ADAMTS17: variants seen among roughly 807,000 people sequenced by gnomAD.
The protein encoded by ADAMTS17 is ADAM metallopeptidase with thrombospondin type 1 motif 17, also known as A disintegrin and metalloproteinase with thrombospondin motifs 17.
In ADAMTS17, 113 loss-of-function variants were observed where a neutral mutation model predicts 141.5. The observed-to-expected ratio is 0.80, with a 90% CI of 0.69 to 0.93. The LOEUF (loss-of-function observed/expected upper bound fraction) is 0.93, where lower values mean the gene tolerates loss of function less well. ADAMTS17 is among the 40% of genes least tolerant of loss of function. The probability of loss-of-function intolerance (pLI) is 0.00; values close to 1 mark genes in which losing one functional copy is unlikely to be tolerated. For missense variants in ADAMTS17, 1,659 were observed against 1,517.9 expected (o/e 1.09, Z -1.54); for synonymous variants, 768 against 630.6 (o/e 1.22, Z -3.27).
intron 15 of ADAMTS17, among the ~76,000 whole-genome samples, chr15:100,069,087 G>C (rs113205201): frequency 0.063 from 9,520 of 152,292 alleles, 306 homozygotes; most frequent in Middle Eastern, 0.082. Context: ...TGAGAACTAC[G>C]TGACGAATGC....
intron 10 of ADAMTS17, among the ~76,000 whole-genome samples, chr15:100,133,887 C>T (rs766189972): frequency 9.6e-6 from 1 of 103,946 alleles, no homozygotes; most frequent in Non-Finnish European, 2.1e-5. Flanking sequence ...TCTAGCTCAG[C>T]TGAGCTGTGC....
chr15:100,246,184 C>A (rs1774202958), intron 7 of ADAMTS17, among the ~76,000 whole-genome samples: 1 of 152,162 alleles, frequency 6.6e-6, no homozygotes, highest in Non-Finnish European at 1.5e-5. Flanking sequence ...AGAAAGGGAA[C>A]TAGTTTCCTA....
Position 100,109,914 on chromosome 15 carries a change from A to G in ADAMTS17, c.1889-798T>C, listed in dbSNP as rs1437513017. ...GGTGGGGCAGGAGCAGCATCTCCACATGCACTGTGCACACACCTCCATTAA... is the reference window on the plus strand; with the variant it reads ...GGTGGGGCAGGAGCAGCATCTCCACGTGCACTGTGCACACACCTCCATTAA... On this transcript the variant is annotated intron_variant, in intron 13 of 21. Transcript: ENST00000268070. Among the ~76,000 whole-genome samples, 7 of 152,064 alleles carry G rather than the reference A, an allele frequency of 4.6e-5. No homozygotes were observed. The South Asian group carries it at 1.5e-3, about 32-fold the overall frequency.
At chr15:100,001,194 G>A (rs959574074) in intron 18 of ADAMTS17, among the ~76,000 whole-genome samples, 1 of 152,188 alleles carries the variant, frequency 6.6e-6, no homozygotes, top group Non-Finnish European at 1.5e-5. Flanking sequence ...TGAAGGCCAT[G>A]ATCCAGGCAT....
chr15:100,296,441 T>C (rs912466868), intron 3 of ADAMTS17, among the ~76,000 whole-genome samples: 1 of 151,778 alleles, frequency 6.6e-6, no homozygotes, highest in African/African-American at 2.4e-5. Context: ...AGGCAAAAAA[T>C]AAGTTTTGCT....
At chr15:100,319,805 C>A (rs2141899729) in intron 3 of ADAMTS17, among the ~76,000 whole-genome samples, 1 of 152,086 alleles carries the variant, frequency 6.6e-6, no homozygotes, top group South Asian at 2.1e-4. Context: ...TGGCTCACAC[C>A]TATAATCCCA....
chr15:100,088,670 C>T (rs2035261035), intron 15 of ADAMTS17, among the ~76,000 whole-genome samples: 2 of 152,004 alleles, frequency 1.3e-5, no homozygotes, highest in Admixed American at 6.6e-5. Context: ...GAACAGAGCC[C>T]TCAGAAATAA....
At chr15:100,046,099 T>C (rs2031661202) in intron 18 of ADAMTS17, among the ~76,000 whole-genome samples, 1 of 152,206 alleles carries the variant, frequency 6.6e-6, no homozygotes, top group African/African-American at 2.4e-5. Context: ...CAGGCTGATC[T>C]CGTACTCCTG....
intron 7 of ADAMTS17, among the ~76,000 whole-genome samples, chr15:100,216,867 T>C (rs146969193): frequency 5.9e-5 from 9 of 152,354 alleles, no homozygotes; most frequent in African/African-American, 2.2e-4. Context: ...TTACTAAGAT[T>C]AGATTCGAAA....
At chr15:100,083,560 G>A (rs1350327491) in intron 15 of ADAMTS17, among the ~76,000 whole-genome samples, 2 of 152,086 alleles carry the variant, frequency 1.3e-5, no homozygotes, top group African/African-American at 4.8e-5. Flanking sequence ...CAGTCAGAAA[G>A]TTTAGCAGTG....
At chr15:100,316,498 A>T (rs971945788) in intron 3 of ADAMTS17, among the ~76,000 whole-genome samples, 1 of 151,748 alleles carries the variant, frequency 6.6e-6, no homozygotes. Flanking sequence ...CTTGACACAC[A>T]CTCACTCCCC....
intron 15 of ADAMTS17, among the ~76,000 whole-genome samples, chr15:100,065,220 C>T (rs1006340824): frequency 6.6e-6 from 1 of 152,126 alleles, no homozygotes; most frequent in Non-Finnish European, 1.5e-5. Flanking sequence ...TTCAACACCT[C>T]TTAATGCATA....
At chr15:100,174,651 C>A (rs1337051411) in intron 8 of ADAMTS17, among the ~76,000 whole-genome samples, 1 of 152,180 alleles carries the variant, frequency 6.6e-6, no homozygotes, top group Non-Finnish European at 1.5e-5. Context: ...TGCTGCTCAA[C>A]CGGCATTCAT....
intron 12 of ADAMTS17, among the ~76,000 whole-genome samples, chr15:100,124,193 T>A (rs1422131064): frequency 1.3e-5 from 2 of 152,176 alleles, no homozygotes; most frequent in Non-Finnish European, 2.9e-5. Flanking sequence ...CATGAACTCC[T>A]GGCCTCAGGT....
rs1567623006 is a variant in ADAMTS17, at chr15:99,973,168, CCTTCCTT to C, written c.*1227_*1233del. 4.8e-5 allele frequency: 1 copy of C among 20,812 alleles called. No homozygotes were observed. Among genetic ancestry groups the C allele is most frequent in the Non-Finnish European group, 1.2e-4 (1 of 8,040 alleles). The allele number at this position is 20,812 out of a possible 1,614,324, so 1.3% of individuals were successfully genotyped here. A position where few individuals can be genotyped will look rare whatever the true frequency, so the allele number is the denominator to read the frequency against. ...GTAAGGGGGCTGCAGGGGGGAAGGA[CCTTCCTT>C]CATCATGCATCATCCTTGCCCCACC... is the stretch of plus-strand genomic sequence containing the variant. On this transcript the variant is annotated 3_prime_UTR_variant, in exon 22 of 22. Transcript: ENST00000268070.
chr15:100,194,861 G>A (rs8041050), intron 8 of ADAMTS17, among the ~76,000 whole-genome samples: 3 of 151,982 alleles, frequency 2.0e-5, no homozygotes, highest in South Asian at 2.1e-4. Context: ...AAGGATCAGC[G>A]GGTAAAAGAT....
Position 100,341,338 on chromosome 15 carries a change from G to T in ADAMTS17, c.151C>A (p.Pro51Thr). ...WRVRPDDVHL[P>T]PLPAAPGPRR... ...GGCCCGGGGGCTGCGGGCAGCGGCG[G>T]CAGGTGCACGTCGTCGGGGCGCACC... Residue 51 changes from proline (P) to threonine (T), a missense_variant, in exon 2 of 22, where the codon CCG (proline) becomes ACG (threonine). Transcript: ENST00000268070. The T allele has an allele frequency of 5.9e-6, 6 of 1,022,140 alleles. No individual in the cohort carries two copies. Among genetic ancestry groups the T allele is most frequent in the Non-Finnish European group, 7.0e-6 (6 of 856,232 alleles). 63.3% of individuals were successfully genotyped at this position (1,022,140 alleles called of 1,614,324 possible). A position where few individuals can be genotyped will look rare whatever the true frequency, so the allele number is the denominator to read the frequency against.
chr15:100,139,386 T>C (rs1294222784), intron 10 of ADAMTS17, among the ~76,000 whole-genome samples: 2 of 152,180 alleles, frequency 1.3e-5, no homozygotes, highest in African/African-American at 4.8e-5. Flanking sequence ...CAGAGGATGT[T>C]TGGCAATGTC....
chr15:100,259,582 C>T (rs4965610), intron 6 of ADAMTS17, among the ~76,000 whole-genome samples: 28,012 of 152,174 alleles, frequency 0.18, 2,965 homozygotes, highest in Non-Finnish European at 0.22. Context: ...ATGTCATAGA[C>T]GATCAGAATT....
Sources: gnomAD v4.1 joint callset for allele counts (sites outside exome capture counted in the v4.1 genomes callset) on GRCh38, gnomAD v4.1.1 for gene constraint, MANE v1.5 for transcripts, NCBI Gene and HGNC (gene_info 2026-07-23, HGNC 2026-07-21) for gene names.